The following HDAC9 variants were observed in gnomAD, a reference collection of about 807,000 sequenced individuals.
The protein encoded by HDAC9 is histone deacetylase 9.
HDAC9 carries 41 observed loss-of-function variants against 139.4 expected under a neutral mutation model. The observed-to-expected ratio is 0.29, with a 90% confidence interval of 0.23 to 0.38. The LOEUF (loss-of-function observed/expected upper bound fraction) is 0.38. Ranked by LOEUF, HDAC9 falls within the 10% of genes least tolerant of loss-of-function variation. HDAC9 has a pLI of 1.00. For missense variants in HDAC9, 1,147 were observed against 1,297.0 expected, an observed-to-expected ratio of 0.88 and a Z score of 1.78; for synonymous variants, 517 against 476.2, an observed-to-expected ratio of 1.09 and a Z score of -1.12.
intron 12 of HDAC9, among the ~76,000 whole-genome samples, chr7:18,707,457 A>G (rs1390602238): frequency 6.6e-6 from 1 of 152,200 alleles, no homozygotes; most frequent in Non-Finnish European, 1.5e-5. Flanking sequence ...CCAACAGTCT[A>G]ATAAAAAGGT....
intron 1 of HDAC9, among the ~76,000 whole-genome samples, chr7:18,129,655 G>A (rs1236044797): frequency 6.6e-6 from 1 of 152,092 alleles, no homozygotes; most frequent in East Asian, 1.9e-4. Context: ...GTGCAGTCTT[G>A]TAAGACACTG....
At chr7:18,818,409 A>T (rs944106492) in intron 17 of HDAC9, among the ~76,000 whole-genome samples, 9 of 152,368 alleles carry the variant, frequency 5.9e-5, no homozygotes, top group African/African-American at 1.9e-4. Flanking sequence ...GTTTCCTAAA[A>T]TAGTTATATT....
chr7:18,301,050 A>AT (rs1269317669), intron 1 of HDAC9, among the ~76,000 whole-genome samples: 3 of 151,290 alleles, frequency 2.0e-5, no homozygotes, highest in African/African-American at 7.3e-5. Flanking sequence ...AAATGCAAAC[A>AT]TTTTTTTCTC....
At chr7:18,097,443 T>C (rs1335906710) in intron 1 of HDAC9, among the ~76,000 whole-genome samples, 2 of 147,664 alleles carry the variant, frequency 1.4e-5, no homozygotes, top group African/African-American at 4.9e-5. Flanking sequence ...CTTTACCAAA[T>C]AAGTTTTATG....
chr7:18,232,222 T>C (rs1204937592), intron 2 of HDAC9, among the ~76,000 whole-genome samples: 1 of 152,174 alleles, frequency 6.6e-6, no homozygotes, highest in Non-Finnish European at 1.5e-5. Context: ...TCAATATGTG[T>C]TGAGTGACTA....
At chr7:18,093,736 A>T (rs764877250) in intron 1 of HDAC9, among the ~76,000 whole-genome samples, 17 of 152,136 alleles carry the variant, frequency 1.1e-4, no homozygotes, top group Non-Finnish European at 1.2e-4. Flanking sequence ...TTTTCAGTAG[A>T]TGCCACTGTT....
chr7:18,469,299 A>G (rs775679443), intron 1 of HDAC9, among the ~76,000 whole-genome samples: 3 of 152,204 alleles, frequency 2.0e-5, no homozygotes, highest in Non-Finnish European at 4.4e-5. Flanking sequence ...GGGAAAGAAA[A>G]GTACATTTTC....
chr7:18,668,228 A>T, intron 12 of HDAC9: 2 of 922,150 alleles, frequency 2.2e-6, no homozygotes, highest in Non-Finnish European at 2.6e-6. Flanking sequence ...ACATAATGAA[A>T]GTCCTTCTGA....
intron 1 of HDAC9, among the ~76,000 whole-genome samples, chr7:18,489,338 C>CT (rs1183971137): frequency 1.3e-5 from 2 of 151,914 alleles, no homozygotes; most frequent in African/African-American, 4.8e-5. Flanking sequence ...TGAGTAACAG[C>CT]TTTTCAACAT....
At chr7:18,966,083 A>T (rs996671913) in intron 24 of HDAC9, among the ~76,000 whole-genome samples, 1 of 152,206 alleles carries the variant, frequency 6.6e-6, no homozygotes, top group Non-Finnish European at 1.5e-5. Context: ...TTACACCTGT[A>T]CTTTGCTTTA....
intron 2 of HDAC9, among the ~76,000 whole-genome samples, chr7:18,565,496 G>A (rs1563300810): frequency 6.6e-6 from 1 of 152,122 alleles, no homozygotes; most frequent in Admixed American, 6.6e-5. Context: ...ACCATTGTTA[G>A]TTGGGCCAGC....
chr7:18,532,053 A>G (rs1254792192), intron 2 of HDAC9, among the ~76,000 whole-genome samples: 1 of 152,182 alleles, frequency 6.6e-6, no homozygotes, highest in African/African-American at 2.4e-5. Flanking sequence ...GTTTGAGACC[A>G]GACTGGCCAA....
intron 2 of HDAC9, 105 bp from the exon 3 acceptor site, chr7:18,585,176 T>A (rs1271980029): frequency 2.2e-5 from 28 of 1,249,322 alleles, no homozygotes; most frequent in Non-Finnish European, 3.2e-5. Context: ...ATAAAATTTG[T>A]TGTACAGGGT....
chr7:18,405,782 C>T (rs1787948637), intron 1 of HDAC9, among the ~76,000 whole-genome samples: 1 of 152,176 alleles, frequency 6.6e-6, no homozygotes, highest in Admixed American at 6.5e-5. Flanking sequence ...TTGCCATCTT[C>T]AACTTTAGCA....
intron 3 of HDAC9, among the ~76,000 whole-genome samples, chr7:18,588,075 G>T (rs752670162): frequency 2.6e-5 from 4 of 152,190 alleles, no homozygotes; most frequent in Admixed American, 6.5e-5. Flanking sequence ...AAACACCAAA[G>T]ATTTTAATAT....
At chr7:18,679,179 G>C (rs1353131292) in intron 12 of HDAC9, among the ~76,000 whole-genome samples, 2 of 151,940 alleles carry the variant, frequency 1.3e-5, no homozygotes, top group South Asian at 2.1e-4. Context: ...TACCAAGTCA[G>C]TTCTCCAGTG....
chr7:18,404,945 C>A (rs889174508), intron 1 of HDAC9, among the ~76,000 whole-genome samples: 48 of 152,318 alleles, frequency 3.2e-4, no homozygotes, highest in African/African-American at 1.0e-3. Context: ...CAGCCCTGGG[C>A]AGGACGCCAT....
chr7:18,270,856 G>T (rs1199901836), intron 2 of HDAC9, among the ~76,000 whole-genome samples: 1 of 151,634 alleles, frequency 6.6e-6, no homozygotes, highest in African/African-American at 2.4e-5. Flanking sequence ...CATTGGAAAT[G>T]GATTTTTTCA....
intron 1 of HDAC9, among the ~76,000 whole-genome samples, chr7:18,345,143 A>G (rs939016221): frequency 1.3e-5 from 2 of 152,064 alleles, no homozygotes; most frequent in African/African-American, 2.4e-5. Context: ...GAGGTATGAC[A>G]GGTAATAATT....
Sources: gnomAD v4.1 joint callset for allele counts (sites outside exome capture counted in the v4.1 genomes callset) on GRCh38, gnomAD v4.1.1 for gene constraint, MANE v1.5 for transcripts, NCBI Gene and HGNC (gene_info 2026-07-23, HGNC 2026-07-21) for gene names.